Variants in CTBP2 observed in about 807,000 individuals in gnomAD.
CTBP2 encodes the protein C-terminal-binding protein 2.
A neutral mutation model predicts 80.3 loss-of-function variants in CTBP2; 30 were observed. The observed-to-expected ratio is 0.37, with a 90% CI of 0.28 to 0.51. The LOEUF (loss-of-function observed/expected upper bound fraction) is 0.51, where lower values mean the gene tolerates loss of function less well. CTBP2 is among the 20% of genes least tolerant of loss of function. CTBP2 has a pLI of 0.93. For synonymous variants in CTBP2, 594 were observed against 587.4 expected, an observed-to-expected ratio of 1.01 and a Z score of -0.16; for missense variants, 1,212 against 1,375.3, an observed-to-expected ratio of 0.88 and a Z score of 1.88.
intron 2 of CTBP2, among the ~76,000 whole-genome samples, chr10:125,090,499 ACACCTGTAATCCCAG>A (rs1848617018): frequency 6.6e-6 from 1 of 150,992 alleles, no homozygotes; most frequent in Non-Finnish European, 1.5e-5. Flanking sequence ...GTGGTGGCTC[ACACCTGTAATCCCAG>A]CACTTTGGGA....
At position 125,078,750 on chromosome 10, in the gene CTBP2, G is replaced by A. The variant is rs377323541; in HGVS notation, c.-102+32240C>T. Among the ~76,000 whole-genome samples, 58 of 152,230 alleles carry A rather than the reference G, an allele frequency of 3.8e-4. 3 individuals are homozygous for A. In the South Asian group the frequency reaches 0.011, roughly 30 times the overall value. On this transcript the variant is annotated intron_variant, in intron 2 of 10. Transcript: ENST00000337195. The stretch of plus-strand genomic sequence containing the variant: ...TCTAGGGACTCATGACTCTCACCCA[G>A]GGCTTAATCTGACCCTTACCAATAA...
In CTBP2 at chr10:125,026,096, A is replaced by G. The variant is rs377233475; in HGVS notation, c.1664T>C (p.Leu555Pro). 1.8e-5 allele frequency: 28 copies of G among 1,569,184 alleles called. No homozygotes were observed. The highest frequency in any genetic ancestry group is 2.2e-5 in the Non-Finnish European group (25 of 1,153,070). ...GGATGTATTACTTGGTTCTGGTGCAAGCATGGTGGACACGATGATGGGTGC... is the reference window on the plus strand; with the variant it reads ...GGATGTATTACTTGGTTCTGGTGCAGGCATGGTGGACACGATGATGGGTGC... The change falls in exon 1 of 9, where the codon CTT becomes CCT. Residue 555 changes from leucine to proline, a missense_variant. Around this residue, in one of 3 missense-constraint regions of CTBP2, gnomAD observed 848 missense variants for 782.3 expected, o/e 1.08. Coordinates refer to ENST00000309035, the MANE Select transcript of CTBP2 (RefSeq NM_022802.3).
At chr10:125,159,759 C>T (rs1267972509) in intron 1 of CTBP2, 1 of 149,694 alleles carries the variant, frequency 6.7e-6, no homozygotes, top group Non-Finnish European at 1.5e-5. Context: ...CACCCCGGCG[C>T]GCTCGGACTC....
chr10:124,994,727 C>T (rs375968576), intron 4 of CTBP2, 44 bp from the exon 7 acceptor site: 58 of 1,587,898 alleles, frequency 3.7e-5, no homozygotes, highest in Non-Finnish European at 4.1e-5. Context: ...CCACAGCCCG[C>T]GCCCCAGCGC....
chr10:125,014,623 G>C (rs1956286929), intron 1 of CTBP2, among the ~76,000 whole-genome samples: 1 of 152,262 alleles, frequency 6.6e-6, no homozygotes, highest in Non-Finnish European at 1.5e-5. Context: ...CAAATGCCCT[G>C]TGCCTCAGAT....
chr10:125,015,007 C>T (rs896100992), intron 1 of CTBP2, among the ~76,000 whole-genome samples: 3 of 152,192 alleles, frequency 2.0e-5, no homozygotes, highest in Non-Finnish European at 4.4e-5. Flanking sequence ...AGATACTCTG[C>T]GGTGTGGAGG....
At chr10:125,158,954 A>G (rs1355173608) in intron 1 of CTBP2, among the ~76,000 whole-genome samples, 1 of 151,456 alleles carries the variant, frequency 6.6e-6, no homozygotes, top group African/African-American at 2.4e-5. Flanking sequence ...GACCGAGCTG[A>G]GCTCTTGGGC....
intron 1 of CTBP2, among the ~76,000 whole-genome samples, chr10:125,024,212 G>A (rs4411245): frequency 0.27 from 41,705 of 152,080 alleles, 5,881 homozygotes; most frequent in Admixed American, 0.33. Context: ...TACCAGGGAC[G>A]CCAGCCCCTG....
intron 1 of CTBP2, among the ~76,000 whole-genome samples, chr10:125,010,025 G>C (rs914139817): frequency 6.6e-6 from 1 of 152,128 alleles, no homozygotes. Flanking sequence ...CCCTCCTTGT[G>C]TCCCCAGCAG....
intron 2 of CTBP2, among the ~76,000 whole-genome samples, chr10:125,071,897 T>C (rs1845540602): frequency 6.6e-6 from 1 of 151,942 alleles, no homozygotes; most frequent in African/African-American, 2.4e-5. Context: ...CAACTGTTGT[T>C]GAGGGGAATG....
Position 125,027,370 on chromosome 10 carries a change from T to C in CTBP2, c.390A>G (p.Pro130=), listed in dbSNP as rs773164970. Reference sequence around the variant, plus strand: ...AGCTGGGGACCGGCCGGCTGACTCCTGGGTCCCGATAGAGGGGAGGCTCTT... The same window carrying C: ...AGCTGGGGACCGGCCGGCTGACTCCCGGGTCCCGATAGAGGGGAGGCTCTT... The change falls in exon 1 of 9, where the codon CCA becomes CCG. Residue 130 remains proline (P), a synonymous_variant. Coordinates refer to ENST00000309035, the MANE Select transcript of CTBP2 (RefSeq NM_022802.3). 2 of 1,613,604 alleles carry C rather than the reference T, an allele frequency of 1.2e-6. No homozygotes were observed. The highest frequency in any genetic ancestry group is 1.7e-5 in the Admixed American group (1 of 60,022).
At chr10:125,080,210 T>C (rs1195762763) in intron 2 of CTBP2, among the ~76,000 whole-genome samples, 2 of 152,076 alleles carry the variant, frequency 1.3e-5, no homozygotes, top group Non-Finnish European at 2.9e-5. Context: ...AAATCATGCT[T>C]CCATATAACT....
intron 2 of CTBP2, among the ~76,000 whole-genome samples, chr10:125,092,126 G>A (rs1035590386): frequency 1.3e-5 from 2 of 151,736 alleles, no homozygotes; most frequent in Non-Finnish European, 2.9e-5. Flanking sequence ...GCATTGGGTG[G>A]GGAAGGGAGA....
chr10:124,992,421 A>G (rs1251248545), intron 8 of CTBP2, among the ~76,000 whole-genome samples: 1 of 151,996 alleles, frequency 6.6e-6, no homozygotes, highest in Non-Finnish European at 1.5e-5. Context: ...TGGTTTTAAG[A>G]TGGCTTTAGA....
chr10:125,065,510 C>T (rs1278557347), intron 2 of CTBP2, among the ~76,000 whole-genome samples: 4 of 152,122 alleles, frequency 2.6e-5, no homozygotes, highest in Admixed American at 6.6e-5. Flanking sequence ...AGGCAGGATC[C>T]GGCTAACAAA....
At chr10:124,990,647 A>G (rs1004241490) in intron 8 of CTBP2, among the ~76,000 whole-genome samples, 4 of 152,254 alleles carry the variant, frequency 2.6e-5, no homozygotes, top group South Asian at 2.1e-4. Flanking sequence ...TAGGGACTCA[A>G]TGTTTGTCTC....
chr10:125,073,725 C>G (rs1039982216), intron 2 of CTBP2, among the ~76,000 whole-genome samples: 1 of 152,152 alleles, frequency 6.6e-6, no homozygotes, highest in Non-Finnish European at 1.5e-5. Context: ...AAGAAAGATA[C>G]AAGTAAATTT....
At chr10:125,069,330 G>C (rs1845107252) in intron 2 of CTBP2, among the ~76,000 whole-genome samples, 1 of 152,170 alleles carries the variant, frequency 6.6e-6, no homozygotes, top group South Asian at 2.1e-4. Flanking sequence ...CAAAAATACT[G>C]CCTATGGCCA....
intron 2 of CTBP2, among the ~76,000 whole-genome samples, chr10:125,107,305 T>G (rs1278528477): frequency 2.0e-5 from 3 of 152,204 alleles, no homozygotes; most frequent in African/African-American, 7.2e-5. Flanking sequence ...GCAGTCTTGC[T>G]TCTGGCCCAA....
Sources: allele counts gnomAD v4.1 joint callset (sites outside exome capture counted in the v4.1 genomes callset), GRCh38; gene constraint gnomAD v4.1.1; regional missense constraint gnomAD v4.1.1; transcripts MANE v1.5; gene names NCBI Gene and HGNC (gene_info 2026-07-23, HGNC 2026-07-21).